The following RALYL variants were observed in gnomAD, a reference collection of about 807,000 sequenced individuals.
RALYL encodes RNA-binding Raly-like protein.
RALYL carries 29 observed loss-of-function variants against 35.1 expected under a neutral mutation model. That is an observed-to-expected ratio of 0.83 (90% CI 0.61 to 1.13). RALYL has a LOEUF of 1.13. Among genes scored for constraint, RALYL ranks in the 50% most tolerant of loss-of-function variants. The probability of loss-of-function intolerance (pLI) is 0.00; values close to 1 mark genes in which losing one functional copy is unlikely to be tolerated. For synonymous variants in RALYL, 120 were observed against 127.6 expected (o/e 0.94, Z 0.40); for missense variants, 359 against 360.4 (o/e 1.00, Z 0.03).
chr8:84,513,339 G>A (rs1370857131), intron 1 of RALYL, among the ~76,000 whole-genome samples: 2 of 151,822 alleles, frequency 1.3e-5, no homozygotes. Flanking sequence ...GATTTTTTGT[G>A]AGTTGATTTT....
intron 2 of RALYL, among the ~76,000 whole-genome samples, chr8:84,766,177 T>C (rs1813906348): frequency 6.6e-6 from 1 of 152,052 alleles, no homozygotes; most frequent in Admixed American, 6.6e-5. Flanking sequence ...CATGTCAGGG[T>C]ATCTCATAAA....
chr8:84,525,356 C>T (rs1054457242), intron 1 of RALYL, among the ~76,000 whole-genome samples: 1 of 152,116 alleles, frequency 6.6e-6, no homozygotes, highest in Non-Finnish European at 1.5e-5. Context: ...GACTGTTATA[C>T]ACCATTTTTG....
chr8:84,703,125 C>T (rs1001254291), intron 2 of RALYL, among the ~76,000 whole-genome samples: 2 of 152,122 alleles, frequency 1.3e-5, no homozygotes, highest in African/African-American at 4.8e-5. Flanking sequence ...TGCTCCCCCT[C>T]AGCCACTGCC....
chr8:84,333,345 A>G (rs1847178932), intron 1 of RALYL, among the ~76,000 whole-genome samples: 1 of 152,158 alleles, frequency 6.6e-6, no homozygotes. Context: ...TCTGCTTGCA[A>G]ATAAAACACA....
chr8:84,418,928 T>G (rs550403791), intron 1 of RALYL, among the ~76,000 whole-genome samples: 1 of 152,244 alleles, frequency 6.6e-6, no homozygotes, highest in South Asian at 2.1e-4. Flanking sequence ...TAAGTAGGCC[T>G]CCCATGCATT....
intron 3 of RALYL, among the ~76,000 whole-genome samples, chr8:84,802,874 A>G (rs1823674174): frequency 6.6e-6 from 1 of 152,170 alleles, no homozygotes. Flanking sequence ...GGGGTAACTA[A>G]TGAAAACCAG....
At chr8:84,909,157 G>A (rs749623806) in intron 8 of RALYL, among the ~76,000 whole-genome samples, 1 of 152,150 alleles carries the variant, frequency 6.6e-6, no homozygotes, top group Admixed American at 6.5e-5. Context: ...CTTCTCAAAT[G>A]TCCTCATTTT....
intron 6 of RALYL, among the ~76,000 whole-genome samples, chr8:84,872,058 C>T (rs1271856856): frequency 6.6e-6 from 1 of 151,976 alleles, no homozygotes. Context: ...GGAAAAGAGA[C>T]AGAAGATAAA....
intron 4 of RALYL, among the ~76,000 whole-genome samples, chr8:84,848,685 TTGA>T (rs1355805617): frequency 2.0e-5 from 3 of 152,278 alleles, no homozygotes; most frequent in Admixed American, 6.5e-5. Context: ...TCTGTTTAGG[TTGA>T]TGATAAGGTT....
rs1003763457 is a variant in RALYL, at chr8:84,420,505, A to T, written c.-23-108794A>T. 1.5e-3 allele frequency among the ~76,000 whole-genome samples: 224 copies of T among 147,880 alleles called. 2 individuals carry two copies. Among genetic ancestry groups the T allele is most frequent in the African/African-American group, 4.6e-3 (180 of 39,396 alleles). ...CTCCCATGTTGTAGGTTGCCTGTTC[A>T]CTCTGATGGTAGTTTCTTTTGCTGT... On this transcript the variant is annotated intron_variant, in intron 1 of 8. Transcript: ENST00000521268.
chr8:84,359,344 A>G (rs1852487222), intron 1 of RALYL, among the ~76,000 whole-genome samples: 1 of 151,848 alleles, frequency 6.6e-6, no homozygotes, highest in African/African-American at 2.4e-5. Flanking sequence ...TTAACCATCT[A>G]TCCTTGTGAA....
intron 1 of RALYL, among the ~76,000 whole-genome samples, chr8:84,512,796 A>C (rs1413716055): frequency 6.6e-6 from 1 of 152,138 alleles, no homozygotes; most frequent in African/African-American, 2.4e-5. Context: ...TACTTTCTCC[A>C]ATGTATGTTC....
intron 8 of RALYL, among the ~76,000 whole-genome samples, chr8:84,918,048 T>G (rs1848750923): frequency 6.6e-6 from 1 of 152,048 alleles, no homozygotes; most frequent in South Asian, 2.1e-4. Context: ...GACTTTGCTT[T>G]TCTATAAAGT....
chr8:84,251,929 T>G (rs1179025499), intron 1 of RALYL, among the ~76,000 whole-genome samples: 1 of 150,836 alleles, frequency 6.6e-6, no homozygotes, highest in African/African-American at 2.4e-5. Context: ...TCCATTTTAG[T>G]TTTTTGTTTG....
chr8:84,773,204 G>T (rs1815975846), intron 2 of RALYL, among the ~76,000 whole-genome samples: 1 of 152,072 alleles, frequency 6.6e-6, no homozygotes, highest in African/African-American at 2.4e-5. Context: ...TTTTCCATTT[G>T]ATTTCCTGTT....
intron 1 of RALYL, among the ~76,000 whole-genome samples, chr8:84,311,852 A>G (rs953403504): frequency 3.3e-5 from 5 of 152,176 alleles, no homozygotes; most frequent in African/African-American, 1.2e-4. Flanking sequence ...CAAAAACAAT[A>G]ACAGAAATAG....
chr8:84,538,417 TG>T, intron 2 of RALYL, among the ~76,000 whole-genome samples: 1 of 152,276 alleles, frequency 6.6e-6, no homozygotes, highest in South Asian at 2.1e-4. Context: ...TCCTTTAATG[TG>T]GGGAATAAAA....
intron 1 of RALYL, among the ~76,000 whole-genome samples, chr8:84,193,862 CAAAGTGAGGAGCT>C (rs1266021990): frequency 6.6e-6 from 1 of 152,012 alleles, no homozygotes. Context: ...TTGTGTAAAA[CAAAGTGAGGAGCT>C]TTCCAGAGGT....
At chr8:84,717,581 G>A (rs1797375883) in intron 2 of RALYL, among the ~76,000 whole-genome samples, 1 of 152,108 alleles carries the variant, frequency 6.6e-6, no homozygotes, top group South Asian at 2.1e-4. Context: ...CTTAGGAATA[G>A]GCTGCAAGGT....
Sources: gnomAD v4.1 joint callset for allele counts (sites outside exome capture counted in the v4.1 genomes callset) on GRCh38, gnomAD v4.1.1 for gene constraint, MANE v1.5 for transcripts, NCBI Gene and HGNC (gene_info 2026-07-23, HGNC 2026-07-21) for gene names.